The following GRIK3 variants were observed in gnomAD, a reference collection of about 807,000 sequenced individuals.
The protein encoded by GRIK3 is glutamate ionotropic receptor kainate type subunit 3.
In GRIK3, 29 loss-of-function variants were observed where a neutral mutation model predicts 102.5. The ratio of observed to expected loss-of-function variants is 0.28; its 90% CI spans 0.21 to 0.39. The LOEUF is 0.39. Ranked by LOEUF, GRIK3 falls within the 10% of genes least tolerant of loss-of-function variation. The pLI is 1.00. For synonymous variants in GRIK3, 511 were observed against 504.9 expected, an observed-to-expected ratio of 1.01 and a Z score of -0.16; for missense variants, 908 against 1,252.4, an observed-to-expected ratio of 0.73 and a Z score of 4.15.
intron 13 of GRIK3, among the ~76,000 whole-genome samples, chr1:36,808,986 C>G (rs1465410086): frequency 6.6e-6 from 1 of 152,190 alleles, no homozygotes; most frequent in Non-Finnish European, 1.5e-5. Flanking sequence ...AACCTAAATA[C>G]TTTTCTCCCT....
chr1:37,001,586 G>A (rs1642477018), intron 1 of GRIK3, among the ~76,000 whole-genome samples: 1 of 151,908 alleles, frequency 6.6e-6, no homozygotes, highest in African/African-American at 2.4e-5. Flanking sequence ...TCATTTGTGG[G>A]AATAGACTGA....
At chr1:36,967,981 A>C (rs1449409665) in intron 1 of GRIK3, among the ~76,000 whole-genome samples, 2 of 152,194 alleles carry the variant, frequency 1.3e-5, no homozygotes, top group African/African-American at 2.4e-5. Flanking sequence ...GCCCAGATTC[A>C]GTGCCAGGTC....
In GRIK3 at chr1:36,819,598, T is replaced by A; in HGVS notation, c.1873+138A>T. 1 of 628,274 alleles carries A rather than the reference T, an allele frequency of 1.6e-6. No individual in the cohort carries two copies. Among genetic ancestry groups the A allele is most frequent in the East Asian group, 2.7e-5 (1 of 36,428 alleles). 38.9% of individuals were successfully genotyped at this position (628,274 alleles called of 1,614,324 possible). A position where few individuals can be genotyped will look rare whatever the true frequency, so the allele number is the denominator to read the frequency against. On this transcript the variant is annotated intron_variant, in intron 12 of 15. Transcript: ENST00000373091. The surrounding 1 kb of genome is among the most constrained non-coding windows in gnomAD (Gnocchi z 4.1). ...GGGCACACACCTGGGTATCTCGATG[T>A]CTCCAAACTTCTGCCGGCTCATCAG... is the stretch of plus-strand genomic sequence containing the variant.
At chr1:36,946,148 A>C (rs955308727) in intron 1 of GRIK3, among the ~76,000 whole-genome samples, 27 of 149,642 alleles carry the variant, frequency 1.8e-4, no homozygotes, top group African/African-American at 6.9e-4. Flanking sequence ...ATTAAAGTTG[A>C]GGCCCAGGCC....
chr1:36,879,999 A>AGT (rs1640951808), intron 3 of GRIK3, among the ~76,000 whole-genome samples: 1 of 151,932 alleles, frequency 6.6e-6, no homozygotes, highest in African/African-American at 2.4e-5. Context: ...GGTAGAGAAG[A>AGT]GTGTGTGTGT....
chr1:37,005,296 C>A (rs1170750937), intron 1 of GRIK3, among the ~76,000 whole-genome samples: 1 of 152,206 alleles, frequency 6.6e-6, no homozygotes, highest in Non-Finnish European at 1.5e-5. Flanking sequence ...TCTGTCCCCA[C>A]CTTGCAGCCC....
chr1:37,015,338 C>A (rs767373820), intron 1 of GRIK3, among the ~76,000 whole-genome samples: 1 of 152,130 alleles, frequency 6.6e-6, no homozygotes, highest in Non-Finnish European at 1.5e-5. Context: ...AAAGTAAGAG[C>A]CCTTATTTTA....
At chr1:36,942,944 T>A (rs1641743778) in intron 1 of GRIK3, among the ~76,000 whole-genome samples, 1 of 152,108 alleles carries the variant, frequency 6.6e-6, no homozygotes, top group Non-Finnish European at 1.5e-5. Flanking sequence ...CCCCCCACCT[T>A]CAGATTACAA....
rs542767320 is a variant in GRIK3 at position 36,896,398 on chromosome 1, A to G, written c.116-5302T>C. Among the ~76,000 whole-genome samples, 14 of 152,266 alleles carry G rather than the reference A, an allele frequency of 9.2e-5. 1 individual carries two copies. In the South Asian group the frequency reaches 2.7e-3, roughly 29 times the overall value. ...GGAATTAGGATTATTTTGTTACTGT[A>G]AAATACTCACACTACTTGTGAAGCA... is the stretch of plus-strand genomic sequence containing the variant. On this transcript the variant is annotated intron_variant, in intron 1 of 15. Transcript: ENST00000373091.
chr1:36,927,989 T>C (rs1342196279), intron 1 of GRIK3, among the ~76,000 whole-genome samples: 1 of 152,196 alleles, frequency 6.6e-6, no homozygotes, highest in Non-Finnish European at 1.5e-5. Context: ...GTACCAGGCC[T>C]TGACTGGCCC....
intron 10 of GRIK3, among the ~76,000 whole-genome samples, chr1:36,832,175 C>A (rs1210158049): frequency 6.6e-6 from 1 of 152,230 alleles, no homozygotes; most frequent in Non-Finnish European, 1.5e-5. Flanking sequence ...TGGGTGTTTC[C>A]ACCCCCTCAG....
chr1:36,820,941 C>T (rs1016188059), intron 11 of GRIK3, among the ~76,000 whole-genome samples: 3 of 152,012 alleles, frequency 2.0e-5, no homozygotes, highest in African/African-American at 4.8e-5. Context: ...TAAAGAAGCT[C>T]GAGAGGTTGG....
chr1:36,840,367 G>A (rs906581655), intron 10 of GRIK3, among the ~76,000 whole-genome samples: 4 of 151,964 alleles, frequency 2.6e-5, no homozygotes, highest in African/African-American at 9.7e-5. Flanking sequence ...TGTGGAAATG[G>A]TGCCTTATTT....
chr1:36,806,288 G>A lies in GRIK3; in HGVS notation c.2130C>T (p.Phe710=), dbSNP rs1269895715. Residue 710 remains phenylalanine (F), a synonymous_variant, in exon 14 of 16, where the codon TTC becomes TTT. Transcript: ENST00000373091. This position sits in a 1 kb window ranked among gnomAD's most constrained non-coding sequence, Gnocchi z 4.0. ...CCAGCGCCGATGGCTTGCTGCTCAT[G>A]AAGGCCCACATCTTCTCGAAGGTGG... The part of the protein sequence containing the change: ...KISTFEKMWA[F]MSSKPSALVK... 8 of 1,614,138 alleles carry A rather than the reference G, an allele frequency of 5.0e-6. No individual in the cohort carries two copies. The highest frequency in any genetic ancestry group is 6.8e-6 in the Non-Finnish European group (8 of 1,179,966).
chr1:37,010,456 T>C (rs901460271), intron 1 of GRIK3, among the ~76,000 whole-genome samples: 1 of 152,160 alleles, frequency 6.6e-6, no homozygotes, highest in Non-Finnish European at 1.5e-5. Context: ...AGTCAGGAAG[T>C]GGTGGAGCCG....
intron 1 of GRIK3, among the ~76,000 whole-genome samples, chr1:36,895,115 T>A (rs571520141): frequency 6.6e-6 from 1 of 152,252 alleles, no homozygotes; most frequent in South Asian, 2.1e-4. Context: ...AAGACTGAGA[T>A]GTAATCATAG....
In GRIK3 at chr1:36,808,079, G is replaced by T. The variant is rs1419458250; in HGVS notation, c.2092-1753C>A. Among the ~76,000 whole-genome samples, 3 of 152,180 alleles carry T rather than the reference G, an allele frequency of 2.0e-5. No individual in the cohort carries two copies. The East Asian group carries it at 5.8e-4, about 29-fold the overall frequency. On this transcript the variant is annotated intron_variant, in intron 13 of 15. Coordinates refer to ENST00000373091, the MANE Select transcript of GRIK3 (RefSeq NM_000831.4). ...TCCTCAGCTATTCTTCCACCTCAGT[G>T]CTTCCTGTGGCCCAGGCTGTGCCCC...
At chr1:36,870,412 A>G (rs1431226576) in intron 4 of GRIK3, among the ~76,000 whole-genome samples, 1 of 152,218 alleles carries the variant, frequency 6.6e-6, no homozygotes, top group African/African-American at 2.4e-5. Flanking sequence ...TAGTTTATGT[A>G]TTTTATTAGA....
At chr1:37,031,771 C>T (rs1337596876) in intron 1 of GRIK3, among the ~76,000 whole-genome samples, 1 of 152,220 alleles carries the variant, frequency 6.6e-6, no homozygotes, top group African/African-American at 2.4e-5. Context: ...TGGATTTTAG[C>T]ATGAGATTCT....
Sources: gnomAD v4.1 joint callset for allele counts (sites outside exome capture counted in the v4.1 genomes callset) on GRCh38, gnomAD v4.1.1 for gene constraint, Gnocchi (gnomAD v3.1) non-coding constraint, MANE v1.5 for transcripts, NCBI Gene and HGNC (gene_info 2026-07-23, HGNC 2026-07-21) for gene names.